Variants in SUSD1 observed in about 807,000 individuals in gnomAD.
The protein encoded by SUSD1 is sushi domain containing 1.
SUSD1 carries 65 observed loss-of-function variants against 86.9 expected under a neutral mutation model. That is an observed-to-expected ratio of 0.75 (90% CI 0.61 to 0.92). The LOEUF is 0.92. Among genes scored for constraint, SUSD1 ranks in the 40% least tolerant of loss-of-function variants. The pLI is 0.00. For missense variants in SUSD1, 850 were observed against 929.7 expected, an observed-to-expected ratio of 0.91 and a Z score of 1.11; for synonymous variants, 346 against 350.0, an observed-to-expected ratio of 0.99 and a Z score of 0.13.
chr9:112,118,518 G>A (rs535211934), intron 6 of SUSD1, among the ~76,000 whole-genome samples: 2 of 152,062 alleles, frequency 1.3e-5, no homozygotes, highest in Non-Finnish European at 2.9e-5. Context: ...GGAGTCTTGC[G>A]CTGTAGCCCA....
At chr9:112,130,356 G>C (rs1831963350) in intron 5 of SUSD1, among the ~76,000 whole-genome samples, 1 of 149,150 alleles carries the variant, frequency 6.7e-6, no homozygotes, top group African/African-American at 2.5e-5. Flanking sequence ...TTGGGCAATA[G>C]AGCGAGACTC....
Position 112,160,734 on chromosome 9 carries a change from A to G in SUSD1, c.104-3121T>C, listed in dbSNP as rs142596983. Among the ~76,000 whole-genome samples, 954 of 152,340 alleles carry G rather than the reference A, an allele frequency of 6.3e-3. 4 individuals carry two copies. The highest frequency in any genetic ancestry group is 9.9e-3 in the Non-Finnish European group (672 of 68,028). On this transcript the variant is annotated intron_variant, in intron 1 of 16. Transcript: ENST00000374270. ...ATGGTAATTGCCTTAGCAGAGAGGA[A>G]GAACTAAAAGCCAATCCTAGAAAGG...
chr9:112,107,264 AAAAAAAAAAGAAAAGAAAGAAAAAAAAG>A, intron 8 of SUSD1, among the ~76,000 whole-genome samples: 1 of 150,840 alleles, frequency 6.6e-6, no homozygotes. Flanking sequence ...CAAAAAAAAA[AAAAAAAAAAGAAAAGAAAGAAAAAAAAG>A]AAAAAAAGAG....
chr9:112,081,285 C>T (rs1459668390), intron 10 of SUSD1, among the ~76,000 whole-genome samples: 2 of 152,186 alleles, frequency 1.3e-5, no homozygotes, highest in Non-Finnish European at 2.9e-5. Context: ...TTTGTAACTC[C>T]CTGGCCTGAC....
At chr9:112,162,589 A>G (rs1275720511) in intron 1 of SUSD1, among the ~76,000 whole-genome samples, 1 of 152,360 alleles carries the variant, frequency 6.6e-6, no homozygotes, top group Non-Finnish European at 1.5e-5. Flanking sequence ...AGACATAAAT[A>G]TGATTCTATT....
At chr9:112,103,150 C>T (rs1233966543) in intron 8 of SUSD1, 3 of 462,894 alleles carry the variant, frequency 6.5e-6, no homozygotes, top group South Asian at 3.2e-5. Flanking sequence ...GTATTTCTCC[C>T]GTGGGAGTTT....
At chr9:112,079,188 C>T (rs1274573414) in intron 11 of SUSD1, among the ~76,000 whole-genome samples, 1 of 151,922 alleles carries the variant, frequency 6.6e-6, no homozygotes, top group South Asian at 2.1e-4. Flanking sequence ...TGAAATGCAG[C>T]AGTAAGCAAA....
chr9:112,100,796 T>C (rs973098169), intron 9 of SUSD1, among the ~76,000 whole-genome samples: 1 of 149,156 alleles, frequency 6.7e-6, no homozygotes, highest in Non-Finnish European at 1.5e-5. Flanking sequence ...CATGCCACTG[T>C]ACTCCAGCCT....
Position 112,143,437 on chromosome 9 carries a change from C to A in SUSD1, c.526+34G>T, listed in dbSNP as rs80332994. ...GAAAGTCACCATCAACAGAATTTCA[C>A]GTTGAGATGCCGCAATTTTTGGCAG... On this transcript the variant is annotated intron_variant, in intron 4 of 16. Coordinates refer to ENST00000374270, the MANE Select transcript of SUSD1 (RefSeq NM_022486.5). 8,056 of 1,606,114 alleles carry A rather than the reference C, an allele frequency of 5.0e-3. 373 individuals are homozygous for A. The African/African-American group carries it at 0.096, about 19-fold the overall frequency.
intron 8 of SUSD1, among the ~76,000 whole-genome samples, chr9:112,105,151 T>C (rs369096781): frequency 3.2e-4 from 48 of 151,978 alleles, no homozygotes; most frequent in African/African-American, 1.1e-3. Flanking sequence ...TAAAGTGCAT[T>C]GGAAATGGTA....
At chr9:112,112,913 C>G (rs1831165358) in intron 6 of SUSD1, 45 bp from the exon 7 acceptor site, 1 of 1,234,854 alleles carries the variant, frequency 8.1e-7, no homozygotes, top group African/African-American at 1.5e-5. Context: ...CATCAATGGG[C>G]TTTAGCAAAA....
At position 112,092,421 on chromosome 9, in the gene SUSD1, T is replaced by C. The variant is rs548357574; in HGVS notation, c.1474+6049A>G. Among the ~76,000 whole-genome samples the C allele has an allele frequency of 5.2e-4, 79 of 152,292 alleles. 1 individual carries two copies. The highest frequency in any genetic ancestry group is 1.9e-3 in the African/African-American group (78 of 41,558). On this transcript the variant is annotated intron_variant, in intron 10 of 16. Coordinates refer to ENST00000374270, the MANE Select transcript of SUSD1 (RefSeq NM_022486.5). ...GAAATTTCTAACTGATTCTTAATGTTGAAAAAGAATTGTGCTTCTGAAAAA... is the reference window on the plus strand; with the variant it reads ...GAAATTTCTAACTGATTCTTAATGTCGAAAAAGAATTGTGCTTCTGAAAAA...
chr9:112,041,302 T>C lies in SUSD1; in HGVS notation c.*190A>G, dbSNP rs972797581. The C allele has an allele frequency of 4.7e-6, 3 of 638,622 alleles. No individual in the cohort carries two copies. The highest frequency in any genetic ancestry group is 3.6e-5 in the African/African-American group (2 of 54,950). The allele number at this position is 638,622 out of a possible 1,614,324, so 39.6% of individuals were successfully genotyped here. A position where few individuals can be genotyped will look rare whatever the true frequency, so the allele number is the denominator to read the frequency against. The stretch of plus-strand genomic sequence containing the variant: ...GACTCAGAATTCCTGAGTTTTCTCC[T>C]TATGGTGACTCCTCAGGGATAGCCA... On this transcript the variant is annotated 3_prime_UTR_variant, in exon 17 of 17. Coordinates refer to ENST00000374270, the MANE Select transcript of SUSD1 (RefSeq NM_022486.5).
At chr9:112,173,022 G>A (rs7043869) in intron 1 of SUSD1, among the ~76,000 whole-genome samples, 6,621 of 152,252 alleles carry the variant, frequency 0.043, 312 homozygotes, top group African/African-American at 0.11. Context: ...ATGACCTTAC[G>A]TAGCTACTAG....
intron 6 of SUSD1, among the ~76,000 whole-genome samples, chr9:112,118,283 T>A (rs1404459985): frequency 6.6e-6 from 1 of 152,188 alleles, no homozygotes; most frequent in Non-Finnish European, 1.5e-5. Context: ...ATGATGATAA[T>A]GGCAGCACCA....
At chr9:112,103,596 C>T (rs138212398) in intron 8 of SUSD1, among the ~76,000 whole-genome samples, 72 of 152,262 alleles carry the variant, frequency 4.7e-4, no homozygotes, top group African/African-American at 1.6e-3. Flanking sequence ...GGGAAGATGG[C>T]AATGTGAACA....
chr9:112,041,586 T>C (rs772088412), intron 16 of SUSD1, 94 bp from the exon 17 acceptor site: 20 of 770,566 alleles, frequency 2.6e-5, no homozygotes, highest in Non-Finnish European at 4.8e-5. Flanking sequence ...CGCACACCCA[T>C]GGGAGGAGGC....
chr9:112,063,206 A>G (rs1828812939), intron 12 of SUSD1, among the ~76,000 whole-genome samples, 173 bp from the exon 13 acceptor site: 1 of 152,248 alleles, frequency 6.6e-6, no homozygotes, highest in African/African-American at 2.4e-5. Context: ...CACCAGGCAC[A>G]AAAGGACAGA....
chr9:112,078,601 C>T lies in SUSD1; in HGVS notation c.1690G>A (p.Val564Ile), dbSNP rs1456151291. The T allele has an allele frequency of 1.9e-6, 3 of 1,614,072 alleles. No homozygotes were observed. Among genetic ancestry groups the T allele is most frequent in the Admixed American group, 1.7e-5 (1 of 60,008 alleles). Residue 564 changes from valine (V) to isoleucine (I), a missense_variant, in exon 12 of 17, where the codon GTC becomes ATC. By Grantham distance (29) the Val-to-Ile change is conservative. Coordinates refer to ENST00000374270, the MANE Select transcript of SUSD1 (RefSeq NM_022486.5). ...LDLRPGTNYN[V>I]SLRALSSELP... is the part of the protein sequence containing the mutation. ...TCCGAAGACAGAGCCCGGAGACTGA[C>T]ATTGTAGTTGGTACCCGGACGTAGG... is the stretch of plus-strand genomic sequence containing the variant.
Sources: gnomAD v4.1 joint callset for allele counts (sites outside exome capture counted in the v4.1 genomes callset) on GRCh38, gnomAD v4.1.1 for gene constraint, MANE v1.5 for transcripts, NCBI Gene and HGNC (gene_info 2026-07-23, HGNC 2026-07-21) for gene names.